Variants in NXPE2 observed in about 807,000 individuals in gnomAD.
NXPE2 encodes the protein NXPE family member 2.
Under a neutral mutation model 34.4 loss-of-function variants are expected in NXPE2, and 34 were observed. The observed-to-expected ratio is 0.99, with a 90% CI of 0.75 to 1.31. NXPE2 has a LOEUF of 1.31. NXPE2 is among the 40% of genes most tolerant of loss of function. The pLI is 0.00. For synonymous variants in NXPE2, 235 were observed against 231.3 expected (o/e 1.02, Z -0.15); for missense variants, 649 against 672.5 (o/e 0.97, Z 0.39).
chr11:114,536,797 A>G, the NXPE2 span, among the ~76,000 whole-genome samples: 4 of 152,332 alleles, frequency 2.6e-5, no homozygotes, highest in East Asian at 7.7e-4. Flanking sequence ...TTAATAGCTT[A>G]CCAACCAAAA....
At chr11:114,509,297 A>G in the NXPE2 span, among the ~76,000 whole-genome samples, 9 of 152,356 alleles carry the variant, frequency 5.9e-5, no homozygotes, top group South Asian at 1.9e-3. Context: ...TTGTGGAGAA[A>G]AAGGAATGCT....
the NXPE2 span, among the ~76,000 whole-genome samples, chr11:114,588,866 T>C: frequency 6.6e-6 from 1 of 152,020 alleles, no homozygotes; most frequent in African/African-American, 2.4e-5. Flanking sequence ...GACAAGTTTA[T>C]TACACAGGCA....
intron 3 of NXPE2, among the ~76,000 whole-genome samples, chr11:114,699,730 T>A (rs1951329478): frequency 6.6e-6 from 1 of 152,214 alleles, no homozygotes; most frequent in Non-Finnish European, 1.5e-5. Flanking sequence ...AGTATATTTT[T>A]AATATCCTCT....
chr11:114,668,186 T>A, the NXPE2 span, among the ~76,000 whole-genome samples: 1 of 152,064 alleles, frequency 6.6e-6, no homozygotes, highest in Non-Finnish European at 1.5e-5. Context: ...GTTTTGTGAT[T>A]CTGTGGCTGG....
At chr11:114,751,353 T>C in the NXPE2 span, among the ~76,000 whole-genome samples, 5 of 152,294 alleles carry the variant, frequency 3.3e-5, no homozygotes, top group East Asian at 5.8e-4. Context: ...CACCATGTTA[T>C]TATTTATGAG....
At chr11:114,709,461 G>A (rs1221790269), downstream of NXPE2, among the ~76,000 whole-genome samples, 1 of 152,142 alleles carries the variant, frequency 6.6e-6, no homozygotes, top group Non-Finnish European at 1.5e-5. Context: ...TTGGCTTAAG[G>A]TGATAGCTTC....
At chr11:114,566,658 G>A in the NXPE2 span, among the ~76,000 whole-genome samples, 1 of 152,060 alleles carries the variant, frequency 6.6e-6, no homozygotes, top group East Asian at 1.9e-4. Flanking sequence ...GAGAAGATAT[G>A]TAGCCATACC....
chr11:114,759,986 C>A, the NXPE2 span, among the ~76,000 whole-genome samples: 1 of 152,106 alleles, frequency 6.6e-6, no homozygotes, highest in Non-Finnish European at 1.5e-5. Context: ...TTGCATGCAT[C>A]TTCTTTTAAC....
chr11:114,767,675 A>T, the NXPE2 span, among the ~76,000 whole-genome samples: 1 of 152,188 alleles, frequency 6.6e-6, no homozygotes, highest in Admixed American at 6.5e-5. Flanking sequence ...GAGGATTATG[A>T]CTTGTCCTGT....
the NXPE2 span, among the ~76,000 whole-genome samples, chr11:114,586,659 G>A: frequency 1.3e-5 from 2 of 152,114 alleles, no homozygotes; most frequent in Non-Finnish European, 2.9e-5. Flanking sequence ...GGCACTGAAG[G>A]TTCCTTGCCA....
chr11:114,560,562 C>A, the NXPE2 span, among the ~76,000 whole-genome samples: 1 of 152,140 alleles, frequency 6.6e-6, no homozygotes, highest in African/African-American at 2.4e-5. Context: ...CCACTTTTCC[C>A]AGCTGGATCT....
At chr11:114,759,441 A>T in the NXPE2 span, among the ~76,000 whole-genome samples, 5 of 152,220 alleles carry the variant, frequency 3.3e-5, no homozygotes, top group African/African-American at 1.2e-4. Flanking sequence ...CACATAAAAG[A>T]CACATAAAAT....
the NXPE2 span, among the ~76,000 whole-genome samples, chr11:114,725,633 C>T: frequency 6.6e-6 from 1 of 151,996 alleles, no homozygotes; most frequent in African/African-American, 2.4e-5. Context: ...CTCTCTCACT[C>T]CCCACCCTCT....
At chr11:114,632,590 T>C in the NXPE2 span, among the ~76,000 whole-genome samples, 1 of 108,158 alleles carries the variant, frequency 9.2e-6, no homozygotes, top group Non-Finnish European at 1.7e-5. Context: ...ATTTATTGTA[T>C]ATTGATGTAT....
chr11:114,675,960 C>T (rs551321937), upstream of NXPE2, among the ~76,000 whole-genome samples: 1 of 152,016 alleles, frequency 6.6e-6, no homozygotes, highest in African/African-American at 2.4e-5. Context: ...TTACAGTCAA[C>T]TGATTTTTGG....
At chr11:114,765,532 A>T in the NXPE2 span, among the ~76,000 whole-genome samples, 77,923 of 152,088 alleles carry the variant, frequency 0.51, 20,425 homozygotes, top group South Asian at 0.6. Context: ...AAAAAGTGTA[A>T]GTTGCTTTAT....
chr11:114,514,833 C>T, the NXPE2 span, among the ~76,000 whole-genome samples: 1 of 152,110 alleles, frequency 6.6e-6, no homozygotes, highest in African/African-American at 2.4e-5. Flanking sequence ...TTTTTCCTCT[C>T]TATGACTGTA....
the NXPE2 span, among the ~76,000 whole-genome samples, chr11:114,785,883 T>C: frequency 6.6e-6 from 1 of 152,170 alleles, no homozygotes; most frequent in Non-Finnish European, 1.5e-5. Context: ...GTGAGGTGAA[T>C]TTCTTGGCCT....
chr11:114,598,691 G>A, the NXPE2 span, among the ~76,000 whole-genome samples: 1 of 152,020 alleles, frequency 6.6e-6, no homozygotes, highest in Non-Finnish European at 1.5e-5. Flanking sequence ...TGGAGCTGGA[G>A]CAGCTGGGAT....
Sources: allele counts gnomAD v4.1 joint callset (sites outside exome capture counted in the v4.1 genomes callset), GRCh38; gene constraint gnomAD v4.1.1; transcripts MANE v1.5; gene names NCBI Gene and HGNC (gene_info 2026-07-23, HGNC 2026-07-21).